ATRNL1: variants seen among roughly 807,000 people sequenced by gnomAD.
ATRNL1 encodes the protein attractin like 1, also known as attractin-like protein 1.
In ATRNL1, 95 loss-of-function variants were observed where a neutral mutation model predicts 182.7. That is an observed-to-expected ratio of 0.52 (90% confidence interval 0.44 to 0.62). The LOEUF (loss-of-function observed/expected upper bound fraction) is 0.62, where lower values mean the gene tolerates loss of function less well. ATRNL1 is among the 20% of genes least tolerant of loss of function. ATRNL1 has a pLI of 0.00. For missense variants in ATRNL1, 1,471 were observed against 1,679.5 expected (o/e 0.88, Z 2.17); for synonymous variants, 576 against 568.3 (o/e 1.01, Z -0.19).
intron 27 of ATRNL1, among the ~76,000 whole-genome samples, chr10:115,830,455 T>A (rs567669948): frequency 2.6e-5 from 4 of 152,250 alleles, no homozygotes; most frequent in Admixed American, 2.6e-4. Context: ...ATTTATTGAA[T>A]GACTGTCTTG....
intron 4 of ATRNL1, among the ~76,000 whole-genome samples, chr10:115,127,999 C>A (rs1845049689): frequency 6.6e-6 from 1 of 152,146 alleles, no homozygotes; most frequent in Non-Finnish European, 1.5e-5. Flanking sequence ...TGTAGCTTTA[C>A]TGGTAGCAAC....
intron 27 of ATRNL1, among the ~76,000 whole-genome samples, chr10:115,745,699 C>G (rs1320451526): frequency 2.6e-5 from 4 of 152,182 alleles, no homozygotes; most frequent in Admixed American, 2.6e-4. Flanking sequence ...TAGATTGGTG[C>G]AGATGTAATG....
intron 24 of ATRNL1, among the ~76,000 whole-genome samples, chr10:115,488,839 C>T (rs1360890750): frequency 1.3e-5 from 2 of 152,110 alleles, no homozygotes; most frequent in Non-Finnish European, 2.9e-5. Flanking sequence ...TTAGATCTTT[C>T]CTGCTTTCTG....
intron 19 of ATRNL1, among the ~76,000 whole-genome samples, chr10:115,388,873 G>C (rs946260687): frequency 6.6e-6 from 1 of 151,788 alleles, no homozygotes; most frequent in Non-Finnish European, 1.5e-5. Flanking sequence ...GTAAAATGTG[G>C]CATTTACATT....
chr10:115,482,771 A>G (rs1554974407), intron 24 of ATRNL1, among the ~76,000 whole-genome samples: 1 of 151,260 alleles, frequency 6.6e-6, no homozygotes, highest in African/African-American at 2.4e-5. Flanking sequence ...TCCAAAATTT[A>G]TACAAAAGCG....
chr10:115,613,154 A>C (rs1287004351), intron 26 of ATRNL1, among the ~76,000 whole-genome samples: 3 of 152,176 alleles, frequency 2.0e-5, no homozygotes, highest in African/African-American at 7.2e-5. Flanking sequence ...GTTAGTTCCA[A>C]AGGTGTTGGC....
intron 5 of ATRNL1, among the ~76,000 whole-genome samples, chr10:115,149,743 G>T (rs1340725700): frequency 2.0e-4 from 31 of 151,910 alleles, no homozygotes; most frequent in Admixed American, 2.0e-3. Flanking sequence ...GGTATTTTTT[G>T]AGTATCTTTG....
At chr10:115,286,127 T>G in intron 14 of ATRNL1, 89 bp from the exon 15 acceptor site, 2 of 633,726 alleles carry the variant, frequency 3.2e-6, no homozygotes, top group Non-Finnish European at 5.5e-6. Flanking sequence ...AAAAATAATT[T>G]AAACAAATAC....
intron 15 of ATRNL1, among the ~76,000 whole-genome samples, chr10:115,291,407 C>T (rs1380013991): frequency 6.6e-6 from 1 of 152,050 alleles, no homozygotes; most frequent in East Asian, 1.9e-4. Context: ...AGAAGAAAGG[C>T]TTTTAGCTTT....
intron 27 of ATRNL1, among the ~76,000 whole-genome samples, chr10:115,821,619 G>C (rs1950300711): frequency 6.6e-6 from 1 of 152,078 alleles, no homozygotes; most frequent in African/African-American, 2.4e-5. Flanking sequence ...AGCAAAAAAA[G>C]CAAGGGTTGC....
At chr10:115,871,078 A>G (rs1951567796) in intron 28 of ATRNL1, among the ~76,000 whole-genome samples, 4 of 152,180 alleles carry the variant, frequency 2.6e-5, no homozygotes, top group Non-Finnish European at 2.9e-5. Flanking sequence ...CTTTTTTTCA[A>G]CTAGGATCCC....
At chr10:115,386,182 A>T (rs1554952585) in intron 19 of ATRNL1, among the ~76,000 whole-genome samples, 2 of 152,310 alleles carry the variant, frequency 1.3e-5, no homozygotes, top group South Asian at 4.1e-4. Context: ...TTTCTAATTC[A>T]TGTGCATGGC....
At chr10:115,362,486 T>A (rs1554944519) in intron 19 of ATRNL1, among the ~76,000 whole-genome samples, 1 of 151,896 alleles carries the variant, frequency 6.6e-6, no homozygotes, top group African/African-American at 2.4e-5. Context: ...ACATTTAAAA[T>A]CTGCTCAGCG....
chr10:115,767,011 T>C (rs1181495602), intron 27 of ATRNL1, among the ~76,000 whole-genome samples: 1 of 152,176 alleles, frequency 6.6e-6, no homozygotes, highest in African/African-American at 2.4e-5. Context: ...AGAATTATTT[T>C]TTAGACTGCA....
At chr10:115,507,201 A>G (rs1456945690) in intron 24 of ATRNL1, among the ~76,000 whole-genome samples, 2 of 151,978 alleles carry the variant, frequency 1.3e-5, no homozygotes, top group Non-Finnish European at 2.9e-5. Flanking sequence ...AGGAAATCAG[A>G]TATGCATTTA....
intron 27 of ATRNL1, among the ~76,000 whole-genome samples, chr10:115,821,158 G>T (rs1555090186): frequency 6.6e-6 from 1 of 152,062 alleles, no homozygotes. Context: ...AAATTATCCA[G>T]TCTGAGGTAT....
chr10:115,707,460 C>T (rs1946936235), intron 26 of ATRNL1, among the ~76,000 whole-genome samples: 1 of 151,530 alleles, frequency 6.6e-6, no homozygotes, highest in South Asian at 2.1e-4. Flanking sequence ...TTCTTTTGAA[C>T]CTCATTCACA....
rs1555103593 is a variant in ATRNL1, at chr10:115,862,050, C to A, written c.4018+14059C>A. 3.9e-5 allele frequency among the ~76,000 whole-genome samples: 6 copies of A among 152,330 alleles called. No individual in the cohort carries two copies. In the South Asian group the frequency reaches 1.2e-3, roughly 32 times the overall value. ...TTCTTGATGACCTGGGTATGACTCA[C>A]CAGACTCTGCTTCTGCTCCTTGGAC... On this transcript the variant is annotated intron_variant, in intron 28 of 28. Transcript: ENST00000355044.
intron 24 of ATRNL1, among the ~76,000 whole-genome samples, chr10:115,507,038 A>G (rs1188574223): frequency 6.6e-6 from 1 of 152,130 alleles, no homozygotes; most frequent in African/African-American, 2.4e-5. Flanking sequence ...ATTAATTAAC[A>G]TACATAAGAT....
Sources: allele counts gnomAD v4.1 joint callset (sites outside exome capture counted in the v4.1 genomes callset), GRCh38; gene constraint gnomAD v4.1.1; transcripts MANE v1.5; gene names NCBI Gene and HGNC (gene_info 2026-07-23, HGNC 2026-07-21).